Variants in DYNLL1 observed in about 807,000 individuals in gnomAD.
DYNLL1 encodes dynein light chain 1, cytoplasmic.
In DYNLL1, 3 loss-of-function variants were observed where a neutral mutation model predicts 10.1. The ratio of observed to expected loss-of-function variants is 0.30; its 90% CI spans 0.14 to 0.77. The LOEUF (loss-of-function observed/expected upper bound fraction) is 0.77, where lower values mean the gene tolerates loss of function less well. DYNLL1 is among the 30% of genes least tolerant of loss of function. DYNLL1 has a pLI of 0.66. For missense variants in DYNLL1, 47 were observed against 111.7 expected, an observed-to-expected ratio of 0.42 and a Z score of 2.61; for synonymous variants, 46 against 41.2, an observed-to-expected ratio of 1.12 and a Z score of -0.45.
chr12:120,496,851 C>T (rs1043975708), intron 2 of DYNLL1: 5 of 574,930 alleles, frequency 8.7e-6, no homozygotes, highest in Non-Finnish European at 1.5e-5. Flanking sequence ...GGTTCCTGCG[C>T]CGAGGATCCA....
At chr12:120,496,315 TG>T in intron 1 of DYNLL1, 99 bp downstream of exon 1, 2 of 1,499,076 alleles carry the variant, frequency 1.3e-6, no homozygotes, top group Non-Finnish European at 1.8e-6. Flanking sequence ...AGAAGTGGGG[TG>T]GGGGGCGTCG....
At chr12:120,479,451 A>G (rs1352727300) in intron 1 of DYNLL1, among the ~76,000 whole-genome samples, 1 of 53,410 alleles carries the variant, frequency 1.9e-5, no homozygotes, top group Non-Finnish European at 4.2e-5. Context: ...TCCGTCTCCA[A>G]AAAAAAAAAA....
At chr12:120,478,127 A>G in intron 1 of DYNLL1, among the ~76,000 whole-genome samples, 1 of 141,296 alleles carries the variant, frequency 7.1e-6, no homozygotes, top group Non-Finnish European at 1.5e-5. Context: ...TTTTTTTTTG[A>G]GAAGGAGTTT....
chr12:120,480,463 C>T (rs368144083), intron 1 of DYNLL1, among the ~76,000 whole-genome samples: 1 of 152,170 alleles, frequency 6.6e-6, no homozygotes, highest in African/African-American at 2.4e-5. Context: ...CCTGAAGCAG[C>T]TTCTCCTCCA....
rs993174939 is a variant in DYNLL1, at chr12:120,496,154, G to C, written c.-69G>C. 4 of 575,580 alleles carry C rather than the reference G, an allele frequency of 6.9e-6. No individual in the cohort carries two copies. Among genetic ancestry groups the C allele is most frequent in the South Asian group, 4.0e-5 (2 of 49,532 alleles). 35.7% of individuals were successfully genotyped at this position (575,580 alleles called of 1,614,324 possible). A position where few individuals can be genotyped will look rare whatever the true frequency, so the allele number is the denominator to read the frequency against. On this transcript the variant is annotated 5_prime_UTR_variant, in exon 1 of 3. Transcript: ENST00000242577. ...CGGTAGCGACGGTATCTCTAGCCGG[G>C]CCTGAGCTGTGCTAGCACCTCCCCC...
Position 120,496,115 on chromosome 12 carries a change from A to C in DYNLL1, c.-108A>C, listed in dbSNP as rs946124658. On this transcript the variant is annotated 5_prime_UTR_variant, in exon 1 of 3. An upstream start codon of the reference 5' UTR is lost. Transcript: ENST00000242577. ...CGGCGGCTGGCGTGGGGCTGCTTAG[A>C]TGCGCCACGGTTTCGGTAGCGACGG... 2.1e-6 allele frequency: 1 copy of C among 486,166 alleles called. No individual in the cohort carries two copies. The highest frequency in any genetic ancestry group is 3.8e-5 in the East Asian group (1 of 26,128). The allele number at this position is 486,166 out of a possible 1,614,324, so 30.1% of individuals were successfully genotyped here.
rs998159574 is a variant in DYNLL1, at chr12:120,496,227, C to T, written c.-7+11C>T. On this transcript the variant is annotated intron_variant, in intron 1 of 2. Coordinates refer to ENST00000242577, the MANE Select transcript of DYNLL1 (RefSeq NM_003746.3). ...GCCCCCTTCTCCACGGTGAGAAACT[C>T]GGGGGGCCAGGGGGTGTCCTCGCTG... 48 of 790,380 alleles carry T rather than the reference C, an allele frequency of 6.1e-5. No individual in the cohort carries two copies. Among genetic ancestry groups the T allele is most frequent in the Non-Finnish European group, 8.2e-5 (41 of 501,622 alleles). The allele number at this position is 790,380 out of a possible 1,614,324, so 49.0% of individuals were successfully genotyped here.
chr12:120,494,561 C>A (rs534329786), upstream of DYNLL1, among the ~76,000 whole-genome samples: 1 of 152,318 alleles, frequency 6.6e-6, no homozygotes, highest in Non-Finnish European at 1.5e-5. Context: ...TAGGCATGAG[C>A]CACCGCACCC....
chr12:120,474,325 C>A (rs1203816666), intron 1 of DYNLL1, among the ~76,000 whole-genome samples: 4 of 151,792 alleles, frequency 2.6e-5, no homozygotes, highest in Non-Finnish European at 2.9e-5. Context: ...CTTCTTTTCA[C>A]CAAACTGAAA....
rs184259674 is a variant in DYNLL1 at position 120,473,312 on chromosome 12, A to G, written c.-7+3208A>G. Among the ~76,000 whole-genome samples the G allele has an allele frequency of 9.3e-4, 141 of 152,220 alleles. 2 individuals are homozygous for G. Among genetic ancestry groups the G allele is most frequent in the African/African-American group, 3.2e-3 (132 of 41,544 alleles). Reference sequence around the variant, plus strand: ...TGAGTGCAGTGGCAGTAATCCCAGCACTTTGGGAGGCTGAGGCAGGAGGAT... The same window carrying G: ...TGAGTGCAGTGGCAGTAATCCCAGCGCTTTGGGAGGCTGAGGCAGGAGGAT... On this transcript the variant is annotated intron_variant, in intron 1 of 2. Coordinates refer to the DYNLL1 transcript ENST00000392509.
chr12:120,479,470 ATAAT>A (rs145058708), intron 1 of DYNLL1, among the ~76,000 whole-genome samples: 19 of 92,694 alleles, frequency 2.0e-4, no homozygotes, highest in Admixed American at 3.7e-4. Context: ...AAAAAAAAAA[ATAAT>A]AATAATAATA....
chr12:120,481,244 C>T (rs1231914029), intron 1 of DYNLL1, among the ~76,000 whole-genome samples: 1 of 152,120 alleles, frequency 6.6e-6, no homozygotes, highest in Non-Finnish European at 1.5e-5. Flanking sequence ...CATTTTTCCA[C>T]ATCAATTGTT....
chr12:120,494,844 G>A (rs1879225927), upstream of DYNLL1, among the ~76,000 whole-genome samples: 1 of 152,160 alleles, frequency 6.6e-6, no homozygotes, highest in African/African-American at 2.4e-5. Flanking sequence ...TGATTAACCT[G>A]ATAACTTATT....
At chr12:120,483,733 G>A (rs566299056) in intron 1 of DYNLL1, among the ~76,000 whole-genome samples, 5 of 152,250 alleles carry the variant, frequency 3.3e-5, no homozygotes, top group African/African-American at 1.2e-4. Context: ...CCATGAAAAT[G>A]GAGACTCCCA....
upstream of DYNLL1, among the ~76,000 whole-genome samples, chr12:120,494,357 G>C (rs1328197153): frequency 1.3e-5 from 2 of 149,868 alleles, no homozygotes; most frequent in Non-Finnish European, 3.0e-5. Context: ...GCTCACTACA[G>C]ACTCTGTGTC....
At chr12:120,482,881 C>G (rs1878912332) in intron 1 of DYNLL1, among the ~76,000 whole-genome samples, 1 of 151,734 alleles carries the variant, frequency 6.6e-6, no homozygotes, top group Non-Finnish European at 1.5e-5. Context: ...GAGTTCGAGA[C>G]CAGCCTGGGC....
intron 1 of DYNLL1, among the ~76,000 whole-genome samples, chr12:120,470,558 G>T (rs1258204036): frequency 1.3e-5 from 2 of 152,096 alleles, no homozygotes; most frequent in East Asian, 1.9e-4. Flanking sequence ...TCTCGATCTC[G>T]CTGGACTCAG....
rs372494972 is a variant in DYNLL1 at position 120,476,857 on chromosome 12, C to T, written c.-7+6753C>T. Among the ~76,000 whole-genome samples, 54 of 152,262 alleles carry T rather than the reference C, an allele frequency of 3.5e-4. 1 individual carries two copies. In the South Asian group the frequency reaches 0.01, roughly 29 times the overall value. On this transcript the variant is annotated intron_variant, in intron 1 of 2. Coordinates refer to the DYNLL1 transcript ENST00000392509. ...GAACTCCCAACCTCAGGTGGTCCGC[C>T]CGCCTTGGCCTCCCAAAGTGCTGGG...
intron 1 of DYNLL1, among the ~76,000 whole-genome samples, chr12:120,488,865 A>T (rs545386338): frequency 6.6e-6 from 1 of 152,276 alleles, no homozygotes; most frequent in East Asian, 1.9e-4. Context: ...GTGAGCCAAG[A>T]TCATGCCATT....
Sources: allele counts gnomAD v4.1 joint callset (sites outside exome capture counted in the v4.1 genomes callset), GRCh38; gene constraint gnomAD v4.1.1; transcripts MANE v1.5; gene names NCBI Gene and HGNC (gene_info 2026-07-23, HGNC 2026-07-21).